GLIPR1L2: variants seen among roughly 807,000 people sequenced by gnomAD.
The protein encoded by GLIPR1L2 is GLIPR1 like 2.
Under a neutral mutation model 28.4 loss-of-function variants are expected in GLIPR1L2, and 21 were observed. That is an observed-to-expected ratio of 0.74 (90% CI 0.52 to 1.06). The LOEUF (loss-of-function observed/expected upper bound fraction) is 1.06. Among genes scored for constraint, GLIPR1L2 ranks in the 50% least tolerant of loss-of-function variants. GLIPR1L2 has a pLI of 0.00. For missense variants in GLIPR1L2, 476 were observed against 416.9 expected, an observed-to-expected ratio of 1.14 and a Z score of -1.23; for synonymous variants, 145 against 139.3, an observed-to-expected ratio of 1.04 and a Z score of -0.29.
chr12:75,392,641 C>T (rs1195896687), intron 1 of GLIPR1L2, among the ~76,000 whole-genome samples: 1 of 151,990 alleles, frequency 6.6e-6, no homozygotes, highest in East Asian at 1.9e-4. Context: ...AATTCTGTTT[C>T]TTCCCAATTT....
intron 4 of GLIPR1L2, among the ~76,000 whole-genome samples, chr12:75,428,677 G>A (rs2046059518): frequency 6.6e-6 from 1 of 152,330 alleles, no homozygotes; most frequent in South Asian, 2.1e-4. Flanking sequence ...AGGCCCAGAG[G>A]CCTAGGAGGG....
rs1392515067 is a variant in GLIPR1L2, at chr12:75,411,754, GTC to G, written c.480+1079_480+1080del. ...TTTTAATGTATCACCTTTTTAATGT[GTC>G]TCTTTATTTCTTTAAGAATCACACT... On this transcript the variant is annotated intron_variant, in intron 2 of 5. Transcript: ENST00000550916. Among the ~76,000 whole-genome samples, 3 of 151,758 alleles carry G rather than the reference GTC, an allele frequency of 2.0e-5. No homozygotes were observed. The East Asian group carries it at 5.8e-4, about 29-fold the overall frequency.
At chr12:75,406,549 G>A (rs1428570515) in intron 1 of GLIPR1L2, among the ~76,000 whole-genome samples, 2 of 151,984 alleles carry the variant, frequency 1.3e-5, no homozygotes, top group Admixed American at 1.3e-4. Context: ...TTGAGCCCAG[G>A]AGTTTGTGAC....
intron 1 of GLIPR1L2, among the ~76,000 whole-genome samples, chr12:75,395,439 G>A (rs929124490): frequency 2.0e-5 from 3 of 151,724 alleles, no homozygotes; most frequent in Non-Finnish European, 2.9e-5. Context: ...TTGGTATCAG[G>A]GTGATGCTGG....
intron 3 of GLIPR1L2, among the ~76,000 whole-genome samples, chr12:75,421,495 C>T (rs1228015009): frequency 1.3e-5 from 2 of 152,134 alleles, no homozygotes; most frequent in Non-Finnish European, 1.5e-5. Flanking sequence ...TAACCAAGGA[C>T]TTAAATAATG....
At chr12:75,427,470 G>A (rs2046045789) in intron 4 of GLIPR1L2, among the ~76,000 whole-genome samples, 1 of 152,184 alleles carries the variant, frequency 6.6e-6, no homozygotes, top group Admixed American at 6.5e-5. Context: ...AGGAAGGTCA[G>A]TTCATCTCCA....
At chr12:75,403,055 C>G (rs2045759692) in intron 1 of GLIPR1L2, 3 of 457,072 alleles carry the variant, frequency 6.6e-6, no homozygotes, top group Non-Finnish European at 1.3e-5. Flanking sequence ...GCAGATTCAT[C>G]ATTGGATTTC....
intron 3 of GLIPR1L2, among the ~76,000 whole-genome samples, chr12:75,413,969 T>G (rs2045899065): frequency 6.6e-6 from 1 of 152,050 alleles, no homozygotes; most frequent in Non-Finnish European, 1.5e-5. Context: ...TAAGACAAAT[T>G]ATTTTCCAAA....
intron 1 of GLIPR1L2, among the ~76,000 whole-genome samples, chr12:75,409,027 G>A (rs2045833875): frequency 6.6e-6 from 1 of 151,990 alleles, no homozygotes; most frequent in Non-Finnish European, 1.5e-5. Context: ...AGGCAAGCTT[G>A]TTCAATCTGT....
rs2046099669 is a variant in GLIPR1L2, at chr12:75,432,385, T to C, written c.*1224T>C. The C allele has an allele frequency of 6.6e-6, 1 of 152,136 alleles. No individual in the cohort carries two copies. Among genetic ancestry groups the C allele is most frequent in the Non-Finnish European group, 1.5e-5 (1 of 67,986 alleles). 9.4% of individuals were successfully genotyped at this position (152,136 alleles called of 1,614,324 possible). A position where few individuals can be genotyped will look rare whatever the true frequency, so the allele number is the denominator to read the frequency against. ...TTGAGAATCAGAGGCTTAATAAACC[T>C]GAAGGTTTAAGTGAAAGAAATGACA... On this transcript the variant is annotated 3_prime_UTR_variant, in exon 6 of 6. Transcript: ENST00000550916.
Position 75,432,544 on chromosome 12 carries a change from T to G in GLIPR1L2, c.*1383T>G, listed in dbSNP as rs2046101031. ...TGAGGGAAAGAAAAAAAAAAAAACC[T>G]AGCATAGCCAAATACCTCAAATGGT... is the stretch of plus-strand genomic sequence containing the variant. On this transcript the variant is annotated 3_prime_UTR_variant, in exon 6 of 6. Transcript: ENST00000550916. 1.3e-5 allele frequency: 2 copies of G among 151,498 alleles called. No individual in the cohort carries two copies. Among genetic ancestry groups the G allele is most frequent in the Admixed American group, 1.3e-4 (2 of 15,214 alleles). The allele number at this position is 151,498 out of a possible 1,614,324, so 9.4% of individuals were successfully genotyped here.
chr12:75,391,783 A>T (rs117440008), intron 1 of GLIPR1L2, among the ~76,000 whole-genome samples: 1 of 152,130 alleles, frequency 6.6e-6, no homozygotes, highest in Non-Finnish European at 1.5e-5. Flanking sequence ...GCAAATCAAG[A>T]TGAGATTCTG....
chr12:75,417,250 A>G (rs1362320923), intron 3 of GLIPR1L2, among the ~76,000 whole-genome samples: 1 of 152,126 alleles, frequency 6.6e-6, no homozygotes, highest in Non-Finnish European at 1.5e-5. Context: ...CATAAGACAC[A>G]CAGAAGAGGA....
Position 75,423,090 on chromosome 12 carries a change from C to A in GLIPR1L2, c.670+101C>A, listed in dbSNP as rs757288837. On this transcript the variant is annotated intron_variant, in intron 4 of 5. Coordinates refer to ENST00000550916, the MANE Select transcript of GLIPR1L2 (RefSeq NM_001270396.2). The stretch of plus-strand genomic sequence containing the variant: ...TTTTATGGTCATGTTAATATTATTC[C>A]TTTGATCAGAATGCTACTATTATGT... 1.9e-6 allele frequency: 3 copies of A among 1,592,854 alleles called. No homozygotes were observed. In the Admixed American group the frequency reaches 5.4e-5, roughly 29 times the overall value.
intron 1 of GLIPR1L2, among the ~76,000 whole-genome samples, chr12:75,394,423 G>GT (rs888964480): frequency 9.9e-5 from 15 of 152,084 alleles, no homozygotes; most frequent in African/African-American, 3.6e-4. Flanking sequence ...ATTGTGTAAG[G>GT]TAAGGGTCCA....
chr12:75,397,443 T>G (rs1438431391), intron 1 of GLIPR1L2, among the ~76,000 whole-genome samples: 1 of 152,138 alleles, frequency 6.6e-6, no homozygotes, highest in African/African-American at 2.4e-5. Flanking sequence ...TCTGTCATGT[T>G]TATAATTTTC....
intron 4 of GLIPR1L2, among the ~76,000 whole-genome samples, chr12:75,430,404 G>A (rs963704173): frequency 7.2e-5 from 11 of 152,220 alleles, no homozygotes; most frequent in African/African-American, 2.4e-4. Flanking sequence ...ATCCTAGAAT[G>A]TTGGAGCTGG....
chr12:75,391,306 C>T lies in GLIPR1L2; in HGVS notation c.190C>T (p.Leu64=), dbSNP rs369887104. The T allele has an allele frequency of 1.2e-6, 2 of 1,614,202 alleles. No homozygotes were observed. Among genetic ancestry groups the T allele is most frequent in the South Asian group, 2.2e-5 (2 of 91,086 alleles). ...CGAGTACGTGAACCTCCACAATGAG[C>T]TGCGGGGCGACGTCATTCCCCGAGG... ...INEYVNLHNE[L]RGDVIPRGSN... Residue 64 remains leucine, a synonymous_variant, in exon 1 of 6, where the codon CTG becomes TTG. Coordinates refer to ENST00000550916, the MANE Select transcript of GLIPR1L2 (RefSeq NM_001270396.2).
Position 75,410,657 on chromosome 12 carries a change from G to C in GLIPR1L2, c.458G>C (p.Gly153Ala), listed in dbSNP as rs1459199696. ...MYNFENGSCS[G>A]DCSNYIQLVW... ...AATTTTGAAAATGGCAGTTGCTCTG[G>C]AGACTGTTCTAATTATATTCAGGTA... is the stretch of plus-strand genomic sequence containing the variant. Residue 153 changes from glycine to alanine, a missense_variant, in exon 2 of 6, where the codon GGA (glycine) becomes GCA (alanine). Physicochemically the swap from Gly to Ala is moderately conservative, Grantham distance 60. Transcript: ENST00000550916. 1.9e-6 allele frequency: 3 copies of C among 1,607,636 alleles called. No homozygotes were observed. In the South Asian group the frequency reaches 3.3e-5, roughly 18 times the overall value.
Sources: allele counts gnomAD v4.1 joint callset (sites outside exome capture counted in the v4.1 genomes callset), GRCh38; gene constraint gnomAD v4.1.1; transcripts MANE v1.5; gene names NCBI Gene and HGNC (gene_info 2026-07-23, HGNC 2026-07-21).